STS: variants seen among roughly 807,000 people sequenced by gnomAD.
STS encodes the protein steroid sulfatase.
A neutral mutation model predicts 26.8 loss-of-function variants in STS; 7 were observed. That is an observed-to-expected ratio of 0.26 (90% CI 0.15 to 0.49). The LOEUF (loss-of-function observed/expected upper bound fraction) is 0.49. STS is among the 20% of genes least tolerant of loss of function. STS has a pLI of 0.98. For missense variants in STS, 434 were observed against 465.6 expected, an observed-to-expected ratio of 0.93 and a Z score of 0.63; for synonymous variants, 199 against 189.4, an observed-to-expected ratio of 1.05 and a Z score of -0.42.
rs1321446528 is a variant in STS, at chrX:7,352,964, C to A, written c.*2703C>A. On this transcript the variant is annotated 3_prime_UTR_variant, in exon 11 of 11. Coordinates refer to ENST00000674429, the MANE Select transcript of STS (RefSeq NM_001320752.2). Reference sequence around the variant, plus strand: ...GGGGAAACACACACACACAAAAAAACAAGTATTTGGCTTGTCACAGGAATC... The same window carrying A: ...GGGGAAACACACACACACAAAAAAAAAAGTATTTGGCTTGTCACAGGAATC... 1 of 111,028 alleles carries A rather than the reference C, an allele frequency of 9.0e-6. No individual in the cohort carries two copies. Among genetic ancestry groups the A allele is most frequent in the African/African-American group, 3.3e-5 (1 of 30,509 alleles). The allele number at this position is 111,028 out of a possible 1,213,427, so 9.1% of individuals were successfully genotyped here. A position where few individuals can be genotyped will look rare whatever the true frequency, so the allele number is the denominator to read the frequency against.
chrX:7,156,984 C>T (rs1182452652), intron 1 of STS, among the ~76,000 whole-genome samples: 1 of 111,642 alleles, frequency 9.0e-6, no homozygotes, highest in Non-Finnish European at 1.9e-5. Context: ...TGTTTCTAGA[C>T]TTTATGAAGC....
At chrX:7,318,406 C>T (rs1926816347) in intron 8 of STS, among the ~76,000 whole-genome samples, 1 of 111,523 alleles carries the variant, frequency 9.0e-6, no homozygotes, top group Non-Finnish European at 1.9e-5. Flanking sequence ...ACTTGCTCAT[C>T]AACACATGCC....
Position 7,305,198 on chromosome X carries a change from G to T in STS, c.1081+15G>T, listed in dbSNP as rs1237211697. On this transcript the variant is annotated intron_variant, in intron 8 of 10. Coordinates refer to ENST00000674429, the MANE Select transcript of STS (RefSeq NM_001320752.2). The stretch of plus-strand genomic sequence containing the variant: ...GATCTATAAAGGTGAGAAATGCTGG[G>T]ATGGAGAAGCTCTGGCCTCTCAGCT... The T allele has an allele frequency of 8.3e-7, 1 of 1,207,493 alleles. No individual in the cohort carries two copies. The highest frequency in any genetic ancestry group is 3.0e-5 in the East Asian group (1 of 33,607).
chrX:7,301,282 C>T (rs1188545451), intron 7 of STS, among the ~76,000 whole-genome samples: 1 of 109,672 alleles, frequency 9.1e-6, no homozygotes, highest in Non-Finnish European at 1.9e-5. Flanking sequence ...GTCCCAGCTA[C>T]TTAGGAGGCT....
chrX:7,303,811 C>G (rs1181325752), intron 7 of STS, among the ~76,000 whole-genome samples: 7 of 111,719 alleles, frequency 6.3e-5, no homozygotes, highest in Admixed American at 4.8e-4. Flanking sequence ...CAAACTTCAA[C>G]TTTCCTCTGT....
chrX:7,267,514 G>A (rs1924063809), intron 6 of STS, among the ~76,000 whole-genome samples: 1 of 112,224 alleles, frequency 8.9e-6, no homozygotes, highest in African/African-American at 3.2e-5. Flanking sequence ...GAAAGAGATG[G>A]ATGTTGGTCA....
intron 2 of STS, among the ~76,000 whole-genome samples, chrX:7,212,358 G>T (rs1219112778): frequency 9.0e-6 from 1 of 111,124 alleles, no homozygotes; most frequent in African/African-American, 3.3e-5. Context: ...GTAATCCCCA[G>T]CTACTCTGGA....
chrX:7,350,518 A>G lies in STS; in HGVS notation c.*257A>G. Reference sequence around the variant, plus strand: ...GTGGCCAGAGTCTTGGACTCATGGAAATAGAATGAATAGAGGGGCATTCAC... The same window carrying G: ...GTGGCCAGAGTCTTGGACTCATGGAGATAGAATGAATAGAGGGGCATTCAC... On this transcript the variant is annotated 3_prime_UTR_variant, in exon 11 of 11. Transcript: ENST00000674429. 1 of 394,341 alleles carries G rather than the reference A, an allele frequency of 2.5e-6. No homozygotes were observed. The highest frequency in any genetic ancestry group is 4.4e-6 in the Non-Finnish European group (1 of 227,974). 32.5% of individuals were successfully genotyped at this position (394,341 alleles called of 1,213,427 possible). A position where few individuals can be genotyped will look rare whatever the true frequency, so the allele number is the denominator to read the frequency against.
At chrX:7,192,665 C>A (rs1260099109) in intron 2 of STS, among the ~76,000 whole-genome samples, 1 of 111,923 alleles carries the variant, frequency 8.9e-6, no homozygotes, top group Non-Finnish European at 1.9e-5. Context: ...CCTGGATGAT[C>A]CTGCCAGCCA....
intron 1 of STS, among the ~76,000 whole-genome samples, chrX:7,172,940 G>A (rs1444552954): frequency 1.8e-5 from 2 of 111,462 alleles, no homozygotes; most frequent in Non-Finnish European, 3.8e-5. Flanking sequence ...TATTCACTTT[G>A]TTTTATTTTA....
At chrX:7,178,933 T>C (rs1427092693) in intron 1 of STS, among the ~76,000 whole-genome samples, 1 of 108,873 alleles carries the variant, frequency 9.2e-6, no homozygotes, top group Non-Finnish European at 1.9e-5. Flanking sequence ...TCGCTTTCTC[T>C]AGTCCTCATG....
chrX:7,154,795 T>C (rs899739764), intron 1 of STS, among the ~76,000 whole-genome samples: 2 of 108,298 alleles, frequency 1.8e-5, no homozygotes, highest in Admixed American at 9.8e-5. Flanking sequence ...AATGTGCAAA[T>C]AAAGGGAAAA....
intron 9 of STS, 104 bp downstream of exon 9, chrX:7,325,602 C>G (rs759979419): frequency 6.1e-6 from 6 of 989,552 alleles, no homozygotes; most frequent in Admixed American, 2.2e-5. Flanking sequence ...CCTTTGGCCC[C>G]CTGGAGTTTT....
intron 7 of STS, among the ~76,000 whole-genome samples, chrX:7,296,320 A>G (rs148684874): frequency 1.5e-3 from 170 of 112,318 alleles, no homozygotes; most frequent in Non-Finnish European, 2.7e-3. Context: ...AAATGGCTGT[A>G]CCCGATTACC....
chrX:7,178,369 G>A (rs773614851), intron 1 of STS, among the ~76,000 whole-genome samples: 1 of 111,581 alleles, frequency 9.0e-6, no homozygotes, highest in African/African-American at 3.3e-5. Flanking sequence ...ATTTTTCATC[G>A]AACCTAATTT....
chrX:7,341,023 A>G (rs1601761789), intron 10 of STS, among the ~76,000 whole-genome samples: 1 of 111,259 alleles, frequency 9.0e-6, no homozygotes, highest in Non-Finnish European at 1.9e-5. Flanking sequence ...CCAGAGGAAC[A>G]CTCAATGACT....
At chrX:7,180,710 G>C (rs1455016016) in intron 1 of STS, among the ~76,000 whole-genome samples, 2 of 112,267 alleles carry the variant, frequency 1.8e-5, no homozygotes, top group African/African-American at 6.5e-5. Context: ...CTGTAGTGTG[G>C]GGGAGTGGAA....
chrX:7,206,555 TC>T (rs1408063691), intron 2 of STS, among the ~76,000 whole-genome samples: 3 of 112,285 alleles, frequency 2.7e-5, no homozygotes, highest in Non-Finnish European at 3.8e-5. Context: ...CCATACTTTA[TC>T]TGCAAAAATG....
intron 6 of STS, among the ~76,000 whole-genome samples, chrX:7,261,365 A>G (rs1923739855): frequency 8.9e-6 from 1 of 112,278 alleles, no homozygotes. Context: ...ATGAATGACA[A>G]TGAAAAGGAA....
Sources: gnomAD v4.1 joint callset for allele counts (sites outside exome capture counted in the v4.1 genomes callset) on GRCh38, gnomAD v4.1.1 for gene constraint, MANE v1.5 for transcripts, NCBI Gene and HGNC (gene_info 2026-07-23, HGNC 2026-07-21) for gene names.